The following MAD1L1 variants were observed in gnomAD, a reference collection of about 807,000 sequenced individuals.
MAD1L1 encodes mitotic spindle assembly checkpoint protein MAD1.
MAD1L1 carries 95 observed loss-of-function variants against 96.9 expected under a neutral mutation model. The observed-to-expected ratio is 0.98, with a 90% CI of 0.83 to 1.16. The LOEUF (loss-of-function observed/expected upper bound fraction) is 1.16, where lower values mean the gene tolerates loss of function less well. Among genes scored for constraint, MAD1L1 ranks in the 50% most tolerant of loss-of-function variants. The probability of loss-of-function intolerance (pLI) is 0.00; values close to 1 mark genes in which losing one functional copy is unlikely to be tolerated. For missense variants in MAD1L1, 1,007 were observed against 954.4 expected, an observed-to-expected ratio of 1.06 and a Z score of -0.73; for synonymous variants, 473 against 396.6, an observed-to-expected ratio of 1.19 and a Z score of -2.29.
At chr7:1,956,321 C>T (rs1779726623) in intron 16 of MAD1L1, among the ~76,000 whole-genome samples, 1 of 152,146 alleles carries the variant, frequency 6.6e-6, no homozygotes, top group Admixed American at 6.5e-5. Context: ...ACTCCACAGG[C>T]CGAACCCCAG....
At chr7:2,056,936 C>T (rs1488894923) in intron 12 of MAD1L1, among the ~76,000 whole-genome samples, 1 of 152,224 alleles carries the variant, frequency 6.6e-6, no homozygotes, top group Non-Finnish European at 1.5e-5. Context: ...GTGCAGCTAT[C>T]ATTACCACAA....
chr7:2,226,217 C>A (rs567691739), intron 3 of MAD1L1, among the ~76,000 whole-genome samples: 2 of 152,356 alleles, frequency 1.3e-5, no homozygotes, highest in Admixed American at 1.3e-4. Context: ...GTCAACAGAT[C>A]TTAGACCTTA....
chr7:2,007,365 G>A (rs956071508), intron 13 of MAD1L1, among the ~76,000 whole-genome samples: 2 of 152,240 alleles, frequency 1.3e-5, no homozygotes, highest in Non-Finnish European at 2.9e-5. Flanking sequence ...CGGTATGGCC[G>A]CTGGGAAGAG....
intron 14 of MAD1L1, among the ~76,000 whole-genome samples, chr7:1,982,723 G>C (rs4721278): frequency 0.034 from 5,158 of 152,172 alleles, 193 homozygotes; most frequent in East Asian, 0.087. Flanking sequence ...TGGATGACTA[G>C]TATCTCCAGA....
chr7:1,980,377 G>A (rs908348174), intron 15 of MAD1L1, 76 bp downstream of exon 15: 1 of 1,314,732 alleles, frequency 7.6e-7, no homozygotes, highest in Non-Finnish European at 1.1e-6. Flanking sequence ...CTCCCCCGCA[G>A]GACACACCTG....
intron 18 of MAD1L1, among the ~76,000 whole-genome samples, chr7:1,839,679 A>G (rs968847503): frequency 6.6e-6 from 1 of 152,136 alleles, no homozygotes; most frequent in Non-Finnish European, 1.5e-5. Context: ...AGATAAAACC[A>G]TTGGCCAGAA....
At chr7:1,929,340 T>G (rs1454789882) in intron 17 of MAD1L1, among the ~76,000 whole-genome samples, 1 of 152,174 alleles carries the variant, frequency 6.6e-6, no homozygotes, top group Non-Finnish European at 1.5e-5. Flanking sequence ...TAAGATTATT[T>G]TAATATTAAT....
At chr7:2,156,131 C>A (rs1310658312) in intron 10 of MAD1L1, among the ~76,000 whole-genome samples, 1 of 151,548 alleles carries the variant, frequency 6.6e-6, no homozygotes, top group Non-Finnish European at 1.5e-5. Context: ...GCAGCGGGCG[C>A]ACGGTTTCAC....
In MAD1L1 at chr7:2,085,930, C is replaced by T. The variant is rs1364330891; in HGVS notation, c.1074-16592G>A. Among the ~76,000 whole-genome samples, 7 of 152,192 alleles carry T rather than the reference C, an allele frequency of 4.6e-5. No homozygotes were observed. In the East Asian group the frequency reaches 1.2e-3, roughly 25 times the overall value. ...GCTTCACAGGACCACCAGGTGCGTACGAGGGCGCCGACTGCCCACTCCCGC... is the reference window on the plus strand; with the variant it reads ...GCTTCACAGGACCACCAGGTGCGTATGAGGGCGCCGACTGCCCACTCCCGC... On this transcript the variant is annotated intron_variant, in intron 11 of 18. Transcript: ENST00000265854.
intron 16 of MAD1L1, among the ~76,000 whole-genome samples, chr7:1,938,999 G>GCACGCA (rs1778788797): frequency 8.2e-5 from 4 of 48,656 alleles, no homozygotes; most frequent in African/African-American, 3.3e-4. Flanking sequence ...GCACACACAC[G>GCACGCA]CACACACACA....
chr7:2,005,057 C>T (rs968321145), intron 13 of MAD1L1, among the ~76,000 whole-genome samples: 1 of 152,202 alleles, frequency 6.6e-6, no homozygotes, highest in Admixed American at 6.5e-5. Context: ...AGAGTGCAGC[C>T]CCGGGATGCG....
chr7:1,993,696 A>G (rs539865858), intron 14 of MAD1L1, among the ~76,000 whole-genome samples: 277 of 152,374 alleles, frequency 1.8e-3, no homozygotes, highest in African/African-American at 6.4e-3. Context: ...TCTAAAATGC[A>G]GATGATCCTT....
At chr7:2,089,831 G>A (rs1209627734) in intron 11 of MAD1L1, among the ~76,000 whole-genome samples, 9 of 152,174 alleles carry the variant, frequency 5.9e-5, no homozygotes, top group Non-Finnish European at 1.5e-5. Context: ...ATGCTGTTCT[G>A]ACATCCATCT....
intron 11 of MAD1L1, among the ~76,000 whole-genome samples, chr7:2,144,454 C>G (rs1341388273): frequency 6.6e-6 from 1 of 152,222 alleles, no homozygotes; most frequent in African/African-American, 2.4e-5. Context: ...GAGAAACCGC[C>G]AAGAGCATGG....
intron 12 of MAD1L1, among the ~76,000 whole-genome samples, chr7:2,021,172 T>C (rs1276394759): frequency 6.6e-6 from 1 of 152,170 alleles, no homozygotes; most frequent in African/African-American, 2.4e-5. Context: ...TCTGCCGTGA[T>C]AATGGCCGAG....
At chr7:2,056,957 A>G (rs142632649) in intron 12 of MAD1L1, among the ~76,000 whole-genome samples, 178 of 152,200 alleles carry the variant, frequency 1.2e-3, no homozygotes, top group African/African-American at 4.2e-3. Context: ...ACCAAGCCCC[A>G]CCACGGTCTA....
chr7:2,198,080 T>TA (rs1792085877), intron 10 of MAD1L1, among the ~76,000 whole-genome samples: 2 of 150,052 alleles, frequency 1.3e-5, no homozygotes, highest in Admixed American at 1.3e-4. Flanking sequence ...ACCATGAGTT[T>TA]GGGTTTTTTT....
In MAD1L1 at chr7:2,070,451, G is replaced by A. The variant is rs895138902; in HGVS notation, c.1074-1113C>T. On this transcript the variant is annotated intron_variant, in intron 11 of 18. Coordinates refer to ENST00000265854, the MANE Select transcript of MAD1L1 (RefSeq NM_001013836.2). ...AGCCAGGAGAGATGAGAGGCCGCCC[G>A]AGAGGAGGAGAGTCAGGACTCCACA... is the stretch of plus-strand genomic sequence containing the variant. 1.9e-4 allele frequency among the ~76,000 whole-genome samples: 29 copies of A among 152,128 alleles called. 1 individual carries two copies. The highest frequency in any genetic ancestry group is 5.9e-5 in the Non-Finnish European group (4 of 68,026).
At chr7:2,095,050 TA>T (rs1786413454) in intron 11 of MAD1L1, among the ~76,000 whole-genome samples, 1 of 152,068 alleles carries the variant, frequency 6.6e-6, no homozygotes, top group Non-Finnish European at 1.5e-5. Flanking sequence ...TATCTCCCCA[TA>T]TTTTTTTTTG....
Sources: allele counts gnomAD v4.1 joint callset (sites outside exome capture counted in the v4.1 genomes callset), GRCh38; gene constraint gnomAD v4.1.1; transcripts MANE v1.5; gene names NCBI Gene and HGNC (gene_info 2026-07-23, HGNC 2026-07-21).